The following CENPI variants were observed in gnomAD, a reference collection of about 807,000 sequenced individuals.
CENPI encodes the protein FSH primary response 1.
In CENPI, 4 loss-of-function variants were observed where a neutral mutation model predicts 60.4. The ratio of observed to expected loss-of-function variants is 0.07; its 90% CI spans 0.03 to 0.15. The LOEUF is 0.15. Ranked by LOEUF, CENPI falls within the 10% of genes least tolerant of loss-of-function variation. The pLI, the probability that CENPI is intolerant of heterozygous loss-of-function variation, is 1.00. For missense variants in CENPI, 444 were observed against 534.5 expected, an observed-to-expected ratio of 0.83 and a Z score of 1.67; for synonymous variants, 157 against 189.4, an observed-to-expected ratio of 0.83 and a Z score of 1.40.
chrX:101,157,113 C>T (rs748882898), intron 20 of CENPI, among the ~76,000 whole-genome samples: 20 of 111,788 alleles, frequency 1.8e-4, no homozygotes, highest in Non-Finnish European at 3.6e-4. Flanking sequence ...ATTTTACATT[C>T]CCATCAGCAG....
intron 15 of CENPI, among the ~76,000 whole-genome samples, chrX:101,133,000 C>G (rs2089810979): frequency 9.0e-6 from 1 of 110,792 alleles, no homozygotes; most frequent in African/African-American, 3.3e-5. Flanking sequence ...AGAAGTTCTA[C>G]CTGAATGAGT....
chrX:101,146,803 C>A (rs191746596), intron 18 of CENPI, among the ~76,000 whole-genome samples: 29 of 111,067 alleles, frequency 2.6e-4, no homozygotes, highest in Middle Eastern at 4.7e-3. Context: ...GACATGATCT[C>A]GGCTCACTGC....
At chrX:101,146,055 T>C in intron 17 of CENPI, 98 bp from the exon 18 acceptor site, 1 of 729,394 alleles carries the variant, frequency 1.4e-6, no homozygotes, top group Non-Finnish European at 1.9e-6. Flanking sequence ...GCTAATGTTA[T>C]GTTATTGCTT....
At chrX:101,153,873 C>T (rs1412029243) in intron 20 of CENPI, among the ~76,000 whole-genome samples, 1 of 111,860 alleles carries the variant, frequency 8.9e-6, no homozygotes, top group Non-Finnish European at 1.9e-5. Context: ...TCTGTTTTGT[C>T]TGAGAATTTT....
intron 15 of CENPI, among the ~76,000 whole-genome samples, chrX:101,136,734 A>G (rs953587658): frequency 5.3e-5 from 5 of 93,507 alleles, no homozygotes; most frequent in Non-Finnish European, 8.4e-5. Context: ...TAATTTTTCA[A>G]TATCTGTCCT....
the CENPI span, among the ~76,000 whole-genome samples, chrX:101,178,707 G>C: frequency 9.0e-6 from 1 of 111,448 alleles, no homozygotes; most frequent in Non-Finnish European, 1.9e-5. Context: ...CACCACACCC[G>C]GCCGGATCTA....
At chrX:101,136,605 G>A (rs760851029) in intron 15 of CENPI, among the ~76,000 whole-genome samples, 2 of 111,912 alleles carry the variant, frequency 1.8e-5, no homozygotes, top group Non-Finnish European at 1.9e-5. Flanking sequence ...TTTTCAGTGC[G>A]TTTTGTTTGG....
At position 101,101,130 on chromosome X, in the gene CENPI, T is replaced by C. The variant is rs1342476723; in HGVS notation, c.60T>C (p.Ser20=). The C allele has an allele frequency of 2.5e-6, 3 of 1,209,849 alleles. No homozygotes were observed. Among genetic ancestry groups the C allele is most frequent in the East Asian group, 3.0e-5 (1 of 33,768 alleles). ...VQAQNRTSQG[S]SSFQTTLSAW... ...CACAAAACAGGACTTCACAAGGTAG[T>C]AGTAGTTTTCAGACCACGCTTTCAG... Residue 20 remains serine, a synonymous_variant, in exon 3 of 22, where the codon AGT becomes AGC. Coordinates refer to ENST00000682095, the MANE Select transcript of CENPI (RefSeq NM_001386188.2).
At chrX:101,155,000 C>G (rs902384958) in intron 20 of CENPI, among the ~76,000 whole-genome samples, 2 of 111,071 alleles carry the variant, frequency 1.8e-5, no homozygotes, top group African/African-American at 3.3e-5. Context: ...AAGATTATGT[C>G]TTCTGCAAAT....
intron 20 of CENPI, among the ~76,000 whole-genome samples, chrX:101,151,800 C>T (rs1448792391): frequency 9.8e-6 from 1 of 102,318 alleles, no homozygotes; most frequent in Non-Finnish European, 2.0e-5. Flanking sequence ...CACCACTGCA[C>T]TCCAGCCCAG....
chrX:101,177,435 G>C, the CENPI span, among the ~76,000 whole-genome samples: 1 of 111,392 alleles, frequency 9.0e-6, no homozygotes, highest in Non-Finnish European at 1.9e-5. Context: ...GCAGCCTCTA[G>C]GCCCTTGGAA....
chrX:101,120,606 A>G, intron 7 of CENPI, 132 bp from the exon 8 acceptor site: 1 of 679,045 alleles, frequency 1.5e-6, no homozygotes, highest in South Asian at 2.8e-5. Context: ...TTAATGGCTT[A>G]ACTGAACAGG....
At chrX:101,147,095 C>A (rs1404265591) in intron 18 of CENPI, among the ~76,000 whole-genome samples, 1 of 112,033 alleles carries the variant, frequency 8.9e-6, no homozygotes, top group Non-Finnish European at 1.9e-5. Context: ...TGTTTAAAAA[C>A]TAATTAGTTG....
At chrX:101,115,331 C>A (rs1261695828) in intron 6 of CENPI, among the ~76,000 whole-genome samples, 2 of 108,149 alleles carry the variant, frequency 1.8e-5, no homozygotes, top group Non-Finnish European at 3.8e-5. Flanking sequence ...CTTGTGCAGG[C>A]TGGAGTGCAG....
Position 101,163,210 on chromosome X carries a change from A to G in CENPI, c.*243A>G. On this transcript the variant is annotated 3_prime_UTR_variant, in exon 22 of 22. Transcript: ENST00000682095. ...CCTTCATCATCAGGCTCTGCGTTCT[A>G]CCAAATTGTATGTAAAAAGACACAT... 1 of 304,371 alleles carries G rather than the reference A, an allele frequency of 3.3e-6. No homozygotes were observed. Among genetic ancestry groups the G allele is most frequent in the Non-Finnish European group, 5.7e-6 (1 of 176,797 alleles). 25.1% of individuals were successfully genotyped at this position (304,371 alleles called of 1,213,427 possible).
chrX:101,098,768 G>C (rs781464455), intron 2 of CENPI: 2 of 111,378 alleles, frequency 1.8e-5, no homozygotes, highest in East Asian at 5.7e-4. Flanking sequence ...CCTTTTATTT[G>C]GTTTCTTGCC....
At chrX:101,156,928 A>G (rs975613872) in intron 20 of CENPI, among the ~76,000 whole-genome samples, 1 of 110,960 alleles carries the variant, frequency 9.0e-6, no homozygotes, top group Non-Finnish European at 1.9e-5. Flanking sequence ...TTAGTTCCAT[A>G]TTTTTGCAGT....
At chrX:101,112,873 G>A (rs142730026) in intron 6 of CENPI, among the ~76,000 whole-genome samples, 1,696 of 109,412 alleles carry the variant, frequency 0.016, 47 homozygotes, top group African/African-American at 0.053. Context: ...TGCCGTGCCC[G>A]GCTGAGAATT....
chrX:101,140,026 C>T (rs1013530679), intron 15 of CENPI, among the ~76,000 whole-genome samples: 6 of 109,854 alleles, frequency 5.5e-5, no homozygotes, highest in Non-Finnish European at 9.5e-5. Flanking sequence ...TTAGTAGAGA[C>T]GGGGTTTCAC....
Sources: allele counts gnomAD v4.1 joint callset (sites outside exome capture counted in the v4.1 genomes callset), GRCh38; gene constraint gnomAD v4.1.1; transcripts MANE v1.5; gene names NCBI Gene and HGNC (gene_info 2026-07-23, HGNC 2026-07-21).